Variants in NLGN4X observed in about 807,000 individuals in gnomAD.
NLGN4X encodes the protein neuroligin 4 X-linked, also known as neuroligin-4, X-linked.
Under a neutral mutation model 40.3 loss-of-function variants are expected in NLGN4X, and 3 were observed. That is an observed-to-expected ratio of 0.07 (90% CI 0.03 to 0.19). NLGN4X has a LOEUF of 0.19. NLGN4X is among the 10% of genes least tolerant of loss of function. NLGN4X has a pLI of 1.00. For missense variants in NLGN4X, 382 were observed against 708.3 expected, an observed-to-expected ratio of 0.54 and a Z score of 5.23; for synonymous variants, 270 against 306.8, an observed-to-expected ratio of 0.88 and a Z score of 1.25.
chrX:5,919,164 A>T (rs986229672), intron 3 of NLGN4X, among the ~76,000 whole-genome samples: 1 of 111,883 alleles, frequency 8.9e-6, no homozygotes, highest in African/African-American at 3.3e-5. Flanking sequence ...CATAGTAACA[A>T]TTCTCCACTT....
rs538668932 is a variant in NLGN4X at position 6,050,239 on chromosome X, G to A, written c.473-20807C>T. ...TTCCTGCTGTGAAAATGTTATTAAT[G>A]AGCATGTAGACATATACATGTGTGA... is the stretch of plus-strand genomic sequence containing the variant. On this transcript the variant is annotated intron_variant, in intron 2 of 5. Coordinates refer to ENST00000381095, the MANE Select transcript of NLGN4X (RefSeq NM_181332.3). Among the ~76,000 whole-genome samples, 12 of 111,713 alleles carry A rather than the reference G, an allele frequency of 1.1e-4. No individual in the cohort carries two copies. The South Asian group carries it at 4.6e-3, about 43-fold the overall frequency.
At chrX:6,195,851 C>T (rs754134639) in intron 1 of NLGN4X, among the ~76,000 whole-genome samples, 11 of 111,119 alleles carry the variant, frequency 9.9e-5, no homozygotes, top group Admixed American at 1.9e-4. Flanking sequence ...TTCAATGGCA[C>T]GATCACAGCT....
At chrX:6,216,189 AT>A (rs932963180) in intron 1 of NLGN4X, among the ~76,000 whole-genome samples, 2 of 111,389 alleles carry the variant, frequency 1.8e-5, no homozygotes, top group South Asian at 3.8e-4. Flanking sequence ...TGAAGAGAGA[AT>A]TTTTTTCCTG....
Position 5,950,110 on chromosome X carries a change from A to G in NLGN4X, c.626-40871T>C, listed in dbSNP as rs772700494. 2.7e-5 allele frequency among the ~76,000 whole-genome samples: 3 copies of G among 111,852 alleles called. No homozygotes were observed. In the Admixed American group the frequency reaches 2.9e-4, roughly 11 times the overall value. ...GGCAATAATCAATGCCCGGAAATCA[A>G]TTAGAACACAGTTGCCCAGGAGTAA... On this transcript the variant is annotated intron_variant, in intron 3 of 5. Transcript: ENST00000381095.
chrX:6,034,712 GTTTT>G lies in NLGN4X; in HGVS notation c.473-5284_473-5281del, dbSNP rs202210549. On this transcript the variant is annotated intron_variant, in intron 2 of 5. Transcript: ENST00000381095. ...GATGTGAAATGGTGTCTCATCATAG[GTTTT>G]TTTTTTTTTTTTTTCAAAGTCTTGC... Among the ~76,000 whole-genome samples the G allele has an allele frequency of 1.5e-3, 157 of 103,455 alleles. 3 individuals carry two copies. Among genetic ancestry groups the G allele is most frequent in the Middle Eastern group, 5.0e-3 (1 of 202 alleles). The allele number at this position is 103,455 out of a possible 115,157, so 89.8% of individuals were successfully genotyped here.
chrX:6,083,187 T>C (rs1406079790), intron 2 of NLGN4X, among the ~76,000 whole-genome samples: 1 of 102,372 alleles, frequency 9.8e-6, no homozygotes, highest in Admixed American at 1.1e-4. Context: ...CTTGATCTCC[T>C]GACCTCATGA....
At chrX:5,926,141 G>A (rs2033309258) in intron 3 of NLGN4X, among the ~76,000 whole-genome samples, 1 of 104,212 alleles carries the variant, frequency 9.6e-6, no homozygotes, top group African/African-American at 3.4e-5. Flanking sequence ...AGATCTGATG[G>A]TTTTATAAGG....
chrX:5,918,156 T>G (rs956731060), intron 3 of NLGN4X, among the ~76,000 whole-genome samples: 1 of 105,976 alleles, frequency 9.4e-6, no homozygotes, highest in Non-Finnish European at 1.9e-5. Flanking sequence ...CAGAAAAGGT[T>G]TTTTTTTTTT....
chrX:6,021,406 C>T (rs1296207951), intron 3 of NLGN4X, among the ~76,000 whole-genome samples: 1 of 110,638 alleles, frequency 9.0e-6, no homozygotes, highest in Non-Finnish European at 1.9e-5. Flanking sequence ...CAGTCGTCCC[C>T]ATCTCTGCTC....
At chrX:5,985,431 ATTTT>A (rs898371109) in intron 3 of NLGN4X, among the ~76,000 whole-genome samples, 3 of 108,808 alleles carry the variant, frequency 2.8e-5, no homozygotes, top group African/African-American at 1.0e-4. Flanking sequence ...TGGCTAATTT[ATTTT>A]TTTTATTTAT....
intron 3 of NLGN4X, among the ~76,000 whole-genome samples, chrX:6,021,621 C>T (rs1202002241): frequency 9.0e-6 from 1 of 110,792 alleles, no homozygotes; most frequent in East Asian, 2.8e-4. Context: ...CCACACCTAT[C>T]AATCTGCAGC....
intron 3 of NLGN4X, among the ~76,000 whole-genome samples, chrX:5,957,531 C>T (rs2034530902): frequency 8.9e-6 from 1 of 112,306 alleles, no homozygotes; most frequent in Non-Finnish European, 1.9e-5. Flanking sequence ...CCACATCTTT[C>T]AGTATCTCCA....
intron 3 of NLGN4X, among the ~76,000 whole-genome samples, chrX:5,989,833 T>A (rs751442031): frequency 1.8e-5 from 2 of 111,558 alleles, no homozygotes; most frequent in African/African-American, 6.5e-5. Context: ...ATATGCAATG[T>A]TTTTTCCTAT....
intron 2 of NLGN4X, among the ~76,000 whole-genome samples, chrX:6,033,748 T>C (rs921892324): frequency 3.6e-5 from 4 of 112,295 alleles, no homozygotes; most frequent in African/African-American, 1.3e-4. Context: ...GCTTATGCTC[T>C]TAGTGCACAG....
intron 2 of NLGN4X, among the ~76,000 whole-genome samples, chrX:6,065,774 T>C (rs2037897785): frequency 9.0e-6 from 1 of 111,660 alleles, no homozygotes; most frequent in African/African-American, 3.3e-5. Flanking sequence ...AGGAAACATG[T>C]ACTCTATTAT....
intron 3 of NLGN4X, among the ~76,000 whole-genome samples, chrX:5,982,670 C>T (rs989783000): frequency 3.6e-5 from 4 of 111,551 alleles, no homozygotes; most frequent in African/African-American, 1.3e-4. Flanking sequence ...GCCTGGGCAA[C>T]ATGGTGAAAC....
At chrX:6,207,582 TTAAA>T (rs1461412758) in intron 1 of NLGN4X, among the ~76,000 whole-genome samples, 2 of 112,137 alleles carry the variant, frequency 1.8e-5, no homozygotes, top group Non-Finnish European at 3.8e-5. Context: ...AATATAAATA[TTAAA>T]TAAATGCATA....
At chrX:5,939,341 T>A (rs1601919946) in intron 3 of NLGN4X, among the ~76,000 whole-genome samples, 1 of 110,382 alleles carries the variant, frequency 9.1e-6, no homozygotes, top group Non-Finnish European at 1.9e-5. Flanking sequence ...TGGTGAAAAA[T>A]CAAATCACTC....
intron 2 of NLGN4X, among the ~76,000 whole-genome samples, chrX:6,123,715 T>C (rs2039476718): frequency 1.1e-5 from 1 of 94,400 alleles, no homozygotes; most frequent in African/African-American, 4.5e-5. Flanking sequence ...CAGCATAAAA[T>C]GGGAAGAGGG....
Sources: gnomAD v4.1 joint callset for allele counts (sites outside exome capture counted in the v4.1 genomes callset) on GRCh38, gnomAD v4.1.1 for gene constraint, MANE v1.5 for transcripts, NCBI Gene and HGNC (gene_info 2026-07-23, HGNC 2026-07-21) for gene names.